The following PDK2 variants were observed in gnomAD, a reference collection of about 807,000 sequenced individuals.
PDK2 encodes the protein pyruvate dehydrogenase kinase, isozyme 2.
Under a neutral mutation model 50.4 loss-of-function variants are expected in PDK2, and 34 were observed. That is an observed-to-expected ratio of 0.68 (90% confidence interval 0.51 to 0.90). The LOEUF is 0.90. PDK2 is among the 40% of genes least tolerant of loss of function. The pLI is 0.00. For synonymous variants in PDK2, 232 were observed against 216.0 expected (o/e 1.07, Z -0.65); for missense variants, 377 against 544.5 (o/e 0.69, Z 3.06).
Position 50,111,993 on chromosome 17 carries a change from G to T in PDK2, c.*1896G>T, listed in dbSNP as rs1220160681. On this transcript the variant is annotated 3_prime_UTR_variant, in exon 11 of 11. Transcript: ENST00000503176. ...GCCTCTCTGCCTGGCTGGGGTGAGGGCTGACCAGGTCAGCAGCTCCTAGGC... is the reference window on the plus strand; with the variant it reads ...GCCTCTCTGCCTGGCTGGGGTGAGGTCTGACCAGGTCAGCAGCTCCTAGGC... 1 of 152,430 alleles carries T rather than the reference G, an allele frequency of 6.6e-6. No individual in the cohort carries two copies. Among genetic ancestry groups the T allele is most frequent in the Non-Finnish European group, 1.5e-5 (1 of 68,270 alleles). The allele number at this position is 152,430 out of a possible 1,614,324, so 9.4% of individuals were successfully genotyped here.
intron 2 of PDK2, among the ~76,000 whole-genome samples, chr17:50,098,011 T>C (rs1239763808): frequency 6.6e-6 from 1 of 152,190 alleles, no homozygotes; most frequent in Non-Finnish European, 1.5e-5. Flanking sequence ...CTGTTTTGGA[T>C]GTTGGAAAAT....
chr17:50,095,960 A>C (rs544467978), intron 1 of PDK2: 1 of 494,954 alleles, frequency 2.0e-6, no homozygotes, highest in East Asian at 1.4e-4. Context: ...GGTGGGAGTG[A>C]GGAGGCAGGG....
intron 2 of PDK2, 21 bp downstream of exon 2, chr17:50,097,585 C>T (rs1429461382): frequency 3.1e-6 from 5 of 1,609,194 alleles, no homozygotes; most frequent in Non-Finnish European, 2.5e-6. Context: ...TGGCTCAGTC[C>T]CTGCACCTCC....
At position 50,110,059 on chromosome 17, in the gene PDK2, A is replaced by G; in HGVS notation, c.1186A>G (p.Thr396Ala). ...GGCCGGCGACTGGTGTGTGCCCAGC[A>G]CGGAGCCCAAGAACACGTCCACGTA... ...QEAGDWCVPS[T>A]EPKNTSTYRV... is the part of the protein sequence containing the mutation. Residue 396 changes from threonine to alanine, a missense_variant, in exon 11 of 11, where the codon ACG (threonine) becomes GCG (alanine). Physicochemically the swap from Thr to Ala is moderately conservative, Grantham distance 58. This residue lies in a region of PDK2 where 214 missense variants were observed against 294.0 expected (regional missense o/e 0.73). Coordinates refer to ENST00000503176, the MANE Select transcript of PDK2 (RefSeq NM_002611.5). The G allele has an allele frequency of 6.2e-7, 1 of 1,611,266 alleles. No homozygotes were observed. Among genetic ancestry groups the G allele is most frequent in the Non-Finnish European group, 8.5e-7 (1 of 1,178,832 alleles).
chr17:50,103,039 G>A (rs1304113157), intron 2 of PDK2, among the ~76,000 whole-genome samples: 2 of 152,254 alleles, frequency 1.3e-5, no homozygotes, highest in Non-Finnish European at 2.9e-5. Context: ...CATCAAGGCT[G>A]TTGGCAGATG....
rs562039556 is a variant in PDK2, at chr17:50,101,450, C to T, written c.260+3886C>T. Among the ~76,000 whole-genome samples the T allele has an allele frequency of 2.0e-5, 3 of 152,160 alleles. No individual in the cohort carries two copies. The highest frequency in any genetic ancestry group is 4.4e-5 in the Non-Finnish European group (3 of 68,018). On this transcript the variant is annotated intron_variant, in intron 2 of 10. Transcript: ENST00000503176. The surrounding 1 kb of genome is among the most constrained non-coding windows in gnomAD (Gnocchi z 4.2). Reference sequence around the variant, plus strand: ...AGCAGCGGAACCCAAACCTGCCTGGCTCAGAGGCTCCGGAGGCGGGACACC... The same window carrying T: ...AGCAGCGGAACCCAAACCTGCCTGGTTCAGAGGCTCCGGAGGCGGGACACC...
Position 50,095,486 on chromosome 17 carries a change from C to A in PDK2, c.51C>A (p.Pro17=). Residue 17 remains proline (P), a synonymous_variant, in exon 1 of 11, where the codon CCC becomes CCA. Coordinates refer to ENST00000503176, the MANE Select transcript of PDK2 (RefSeq NM_002611.5). The part of the protein sequence containing the change: ...LLKNASLAGA[P]KYIEHFSKFS... The stretch of plus-strand genomic sequence containing the variant: ...AGAATGCGTCCCTGGCAGGGGCGCC[C>A]AAGTACATAGAGCACTTCAGCAAGT... 1 of 1,606,476 alleles carries A rather than the reference C, an allele frequency of 6.2e-7. No homozygotes were observed. The highest frequency in any genetic ancestry group is 1.1e-5 in the South Asian group (1 of 89,484).
At chr17:50,095,174 A>G (rs559367902), upstream of PDK2, 171 of 420,818 alleles carry the variant, frequency 4.1e-4, no homozygotes, top group African/African-American at 3.4e-3. Context: ...CCAAAACAAC[A>G]GGCCGCCCCG....
intron 1 of PDK2, 168 bp downstream of exon 1, chr17:50,095,721 G>T (rs983148937): frequency 1.4e-6 from 2 of 1,429,456 alleles, no homozygotes; most frequent in African/African-American, 2.9e-5. Flanking sequence ...ACCGGCCGGG[G>T]CCTCTCGACG....
Position 50,108,414 on chromosome 17 carries a change from C to T in PDK2, c.858C>T (p.Ile286=). 1.9e-6 allele frequency: 3 copies of T among 1,611,154 alleles called. No individual in the cohort carries two copies. The African/African-American group carries it at 4.0e-5, about 21-fold the overall frequency. ...CCTTGGGTGAGGAAGATCTGTCCAT[C>T]AAGGTATGTGACCCTTTGACCTTGG... The part of the protein sequence containing the change: ...MVALGEEDLS[I]KMSDRGGGVP... The change falls in exon 8 of 11, where the codon ATC becomes ATT. Residue 286 remains isoleucine (I), a synonymous_variant. Transcript: ENST00000503176.
intron 4 of PDK2, 72 bp from the exon 5 acceptor site, chr17:50,106,722 A>T: frequency 7.8e-7 from 1 of 1,285,588 alleles, no homozygotes; most frequent in Non-Finnish European, 1.1e-6. Context: ...AAGAGGAGGA[A>T]AGCCCGGGGG....
Position 50,111,791 on chromosome 17 carries a change from TG to T in PDK2, c.*1696del, listed in dbSNP as rs1224872802. The T allele has an allele frequency of 1.3e-5, 2 of 152,350 alleles. No individual in the cohort carries two copies. The highest frequency in any genetic ancestry group is 4.8e-5 in the African/African-American group (2 of 41,446). 9.4% of individuals were successfully genotyped at this position (152,350 alleles called of 1,614,324 possible). A position where few individuals can be genotyped will look rare whatever the true frequency, so the allele number is the denominator to read the frequency against. The stretch of plus-strand genomic sequence containing the variant: ...AGGACACATGCTGTCCCCAGGCTGC[TG>T]GTAAACTCCACCCCCATCCAGGGAG... On this transcript the variant is annotated 3_prime_UTR_variant, in exon 11 of 11. Transcript: ENST00000503176.
At position 50,109,338 on chromosome 17, in the gene PDK2, CA is replaced by C; in HGVS notation, c.1022del (p.Gln341ArgfsTer116). 1 of 1,613,888 alleles carries C rather than the reference CA, an allele frequency of 6.2e-7. No individual in the cohort carries two copies. The highest frequency in any genetic ancestry group is 8.5e-7 in the Non-Finnish European group (1 of 1,179,950). ...PISRLYAKYF[Q>X]GDLQLFSMEG... ...TTCCCGCCTCTACGCCAAGTACTTC[CA>C]GGGAGACCTGCAGCTCTTCTCCATG... On this transcript the variant is annotated frameshift_variant, in exon 10 of 11. Transcript: ENST00000503176. LOFTEE classifies it high-confidence loss of function. The surrounding 1 kb of genome is among the most constrained non-coding windows in gnomAD (Gnocchi z 5.0).
At chr17:50,108,572 T>A in intron 8 of PDK2, 40 bp from the exon 9 acceptor site, 1 of 1,519,638 alleles carries the variant, frequency 6.6e-7, no homozygotes, top group Non-Finnish European at 9.1e-7. Context: ...GTGGGGAAAA[T>A]GAGCTGTAAA....
rs976026563 is a variant in PDK2 at position 50,101,231 on chromosome 17, C to T, written c.260+3667C>T. 6.6e-6 allele frequency among the ~76,000 whole-genome samples: 1 copy of T among 152,130 alleles called. No individual in the cohort carries two copies. Among genetic ancestry groups the T allele is most frequent in the Non-Finnish European group, 1.5e-5 (1 of 68,016 alleles). ...GGGGGTGTGGCTTGGGTGCCCAGGA[C>T]CTGCTAAAGCCACACGAGCTCTCCA... is the stretch of plus-strand genomic sequence containing the variant. On this transcript the variant is annotated intron_variant, in intron 2 of 10. Transcript: ENST00000503176. This position sits in a 1 kb window ranked among gnomAD's most constrained non-coding sequence, Gnocchi z 4.2.
chr17:50,101,327 C>A lies in PDK2; in HGVS notation c.260+3763C>A, dbSNP rs1476131191. 1.3e-5 allele frequency among the ~76,000 whole-genome samples: 2 copies of A among 152,156 alleles called. No individual in the cohort carries two copies. The highest frequency in any genetic ancestry group is 6.5e-5 in the Admixed American group (1 of 15,278). On this transcript the variant is annotated intron_variant, in intron 2 of 10. Coordinates refer to ENST00000503176, the MANE Select transcript of PDK2 (RefSeq NM_002611.5). This position sits in a 1 kb window ranked among gnomAD's most constrained non-coding sequence, Gnocchi z 4.2. ...ACTGCGCATGTACTCGAGGCATCAT[C>A]TTTTCTGTACACCCAGGCCCATGAG...
rs1909890112 is a variant in PDK2 at position 50,095,567 on chromosome 17, G to A, written c.118+14G>A. Reference sequence around the variant, plus strand: ...TTCTGGACTTCGGTACGGAGTGGGCGGGAGGCGGCTGGCAGCGGAGGCCGG... The same window carrying A: ...TTCTGGACTTCGGTACGGAGTGGGCAGGAGGCGGCTGGCAGCGGAGGCCGG... On this transcript the variant is annotated intron_variant, in intron 1 of 10. Coordinates refer to ENST00000503176, the MANE Select transcript of PDK2 (RefSeq NM_002611.5). 4 of 1,586,866 alleles carry A rather than the reference G, an allele frequency of 2.5e-6. No homozygotes were observed. The East Asian group carries it at 6.8e-5, about 27-fold the overall frequency.
intron 2 of PDK2, among the ~76,000 whole-genome samples, chr17:50,104,956 A>G (rs1182552693): frequency 6.6e-6 from 1 of 152,134 alleles, no homozygotes; most frequent in African/African-American, 2.4e-5. Context: ...GAGAAACATT[A>G]GGAGCTGTTT....
chr17:50,095,573 C>T lies in PDK2; in HGVS notation c.118+20C>T, dbSNP rs1909890681. 4 of 1,573,054 alleles carry T rather than the reference C, an allele frequency of 2.5e-6. No homozygotes were observed. The highest frequency in any genetic ancestry group is 2.6e-6 in the Non-Finnish European group (3 of 1,153,652). On this transcript the variant is annotated intron_variant, in intron 1 of 10. Coordinates refer to ENST00000503176, the MANE Select transcript of PDK2 (RefSeq NM_002611.5). ...ACTTCGGTACGGAGTGGGCGGGAGG[C>T]GGCTGGCAGCGGAGGCCGGCGGGGC...
Sources: gnomAD v4.1 joint callset for allele counts (sites outside exome capture counted in the v4.1 genomes callset) on GRCh38, gnomAD v4.1.1 for gene constraint, gnomAD v4.1.1 regional missense constraint, Gnocchi (gnomAD v3.1) non-coding constraint, MANE v1.5 for transcripts, NCBI Gene and HGNC (gene_info 2026-07-23, HGNC 2026-07-21) for gene names.